The following NEIL3 variants were observed in gnomAD, a reference collection of about 807,000 sequenced individuals.
NEIL3 encodes nei like DNA glycosylase 3, also known as endonuclease 8-like 3.
A neutral mutation model predicts 57.5 loss-of-function variants in NEIL3; 48 were observed. That is an observed-to-expected ratio of 0.83 (90% CI 0.66 to 1.06). The LOEUF is 1.06. Ranked by LOEUF, NEIL3 falls within the 50% of genes least tolerant of loss-of-function variation. NEIL3 has a pLI of 0.00. For synonymous variants in NEIL3, 261 were observed against 253.2 expected (o/e 1.03, Z -0.29); for missense variants, 717 against 739.1 (o/e 0.97, Z 0.35).
chr4:177,340,851 T>A (rs1005100498), intron 5 of NEIL3, among the ~76,000 whole-genome samples: 1 of 152,186 alleles, frequency 6.6e-6, no homozygotes, highest in African/African-American at 2.4e-5. Flanking sequence ...ACTGACCAAA[T>A]ATATCAAAAT....
At chr4:177,333,181 C>G (rs956129495) in intron 2 of NEIL3, among the ~76,000 whole-genome samples, 2 of 151,834 alleles carry the variant, frequency 1.3e-5, no homozygotes, top group African/African-American at 4.8e-5. Flanking sequence ...AGGCAGTTGC[C>G]TTATTTGCAA....
chr4:177,315,017 C>T (rs1047744359), intron 1 of NEIL3, among the ~76,000 whole-genome samples: 4 of 144,908 alleles, frequency 2.8e-5, no homozygotes, highest in African/African-American at 5.2e-5. Flanking sequence ...TGCAGTGAGC[C>T]GAGATCGCGC....
intron 6 of NEIL3, chr4:177,343,557 C>T (rs1303083866): frequency 6.6e-6 from 1 of 152,196 alleles, no homozygotes; most frequent in Non-Finnish European, 1.5e-5. Flanking sequence ...GAGGAAGTCC[C>T]AGCTTAAGTC....
intron 5 of NEIL3, among the ~76,000 whole-genome samples, 194 bp from the exon 6 acceptor site, chr4:177,341,282 T>C (rs1218553319): frequency 6.6e-6 from 1 of 152,202 alleles, no homozygotes; most frequent in African/African-American, 2.4e-5. Flanking sequence ...CACACAAATT[T>C]TATTTGACAA....
At chr4:177,321,336 G>A (rs999856443) in intron 1 of NEIL3, among the ~76,000 whole-genome samples, 22 of 152,120 alleles carry the variant, frequency 1.4e-4, no homozygotes, top group African/African-American at 5.1e-4. Context: ...CTGAGTTAAT[G>A]CGTAGATGTA....
rs1220242216 is a variant in NEIL3, at chr4:177,353,539, T to A, written c.1271T>A (p.Val424Asp). ...TTTCAAAACTCTCCTCCTGCTAGTG[T>A]TTGTTTGAATGATATACAGCACCCC... is the stretch of plus-strand genomic sequence containing the variant. ...EEFQNSPPAS[V>D]CLNDIQHPSK... Residue 424 changes from valine (V) to aspartate (D), a missense_variant, in exon 8 of 10, where the codon GTT becomes GAT. Val to Asp is a radical substitution (Grantham distance 152, BLOSUM62 -3). Transcript: ENST00000264596. 4.3e-6 allele frequency: 7 copies of A among 1,612,622 alleles called. No individual in the cohort carries two copies. The highest frequency in any genetic ancestry group is 5.9e-6 in the Non-Finnish European group (7 of 1,179,350).
intron 9 of NEIL3, among the ~76,000 whole-genome samples, chr4:177,360,906 A>G (rs911119189): frequency 2.2e-4 from 33 of 152,360 alleles, no homozygotes; most frequent in African/African-American, 7.9e-4. Flanking sequence ...TATCATATTT[A>G]TAATCATAAG....
intron 6 of NEIL3, among the ~76,000 whole-genome samples, chr4:177,345,589 G>T (rs1361695979): frequency 6.6e-6 from 1 of 151,534 alleles, no homozygotes; most frequent in African/African-American, 2.4e-5. Flanking sequence ...TCCCATGTTG[G>T]CCAGGATGGT....
intron 6 of NEIL3, among the ~76,000 whole-genome samples, chr4:177,345,198 A>G (rs1343506932): frequency 1.3e-5 from 2 of 152,230 alleles, no homozygotes; most frequent in Non-Finnish European, 2.9e-5. Context: ...TGGGAAGGAC[A>G]AGGAAGTCTT....
At chr4:177,330,592 C>A (rs116013297) in intron 2 of NEIL3, among the ~76,000 whole-genome samples, 4,011 of 151,816 alleles carry the variant, frequency 0.026, 117 homozygotes, top group African/African-American at 0.068. Context: ...TGAATGACAC[C>A]AAAAATTGGT....
At chr4:177,335,962 A>G in intron 3 of NEIL3, 140 bp downstream of exon 3, 8 of 1,043,118 alleles carry the variant, frequency 7.7e-6, no homozygotes, top group Non-Finnish European at 1.1e-5. Context: ...TTCAGATAAT[A>G]TAATTTGTAA....
At chr4:177,348,102 A>G (rs1579002630) in intron 6 of NEIL3, among the ~76,000 whole-genome samples, 1 of 152,206 alleles carries the variant, frequency 6.6e-6, no homozygotes, top group East Asian at 1.9e-4. Flanking sequence ...AAACCCTAAG[A>G]GCAGTGCCTC....
At chr4:177,338,818 T>C (rs1448320091) in intron 4 of NEIL3, among the ~76,000 whole-genome samples, 3 of 152,198 alleles carry the variant, frequency 2.0e-5, no homozygotes, top group Non-Finnish European at 4.4e-5. Context: ...CTGTGCCTAT[T>C]TTCCCTTCCC....
At chr4:177,334,105 G>A (rs191032604) in intron 2 of NEIL3, among the ~76,000 whole-genome samples, 1 of 151,156 alleles carries the variant, frequency 6.6e-6, no homozygotes, top group East Asian at 1.9e-4. Context: ...CCCTAAAAAT[G>A]TCTTTTCTTT....
chr4:177,363,687 G>T (rs757636478), downstream of NEIL3, among the ~76,000 whole-genome samples: 2 of 152,180 alleles, frequency 1.3e-5, no homozygotes, highest in Non-Finnish European at 2.9e-5. Context: ...GTAAGTAAAT[G>T]AAACTATAGG....
At chr4:177,330,577 A>G (rs530707672) in intron 2 of NEIL3, among the ~76,000 whole-genome samples, 37 of 152,296 alleles carry the variant, frequency 2.4e-4, no homozygotes, top group African/African-American at 7.5e-4. Context: ...AAAGCATAAT[A>G]AAAATGAATG....
intron 6 of NEIL3, among the ~76,000 whole-genome samples, chr4:177,349,813 T>C (rs1277327333): frequency 1.3e-5 from 2 of 152,184 alleles, no homozygotes; most frequent in Non-Finnish European, 2.9e-5. Context: ...AAAATTCTCC[T>C]TATGATCAGG....
chr4:177,310,173 G>A, intron 1 of NEIL3, 64 bp downstream of exon 1: 1 of 1,427,136 alleles, frequency 7.0e-7, no homozygotes, highest in Non-Finnish European at 9.2e-7. Context: ...GACCCCATCA[G>A]GGTTCCAGGA....
downstream of NEIL3, among the ~76,000 whole-genome samples, chr4:177,367,760 A>G (rs1412669498): frequency 1.3e-5 from 2 of 152,238 alleles, no homozygotes; most frequent in Non-Finnish European, 2.9e-5. Context: ...GATGGGAGAA[A>G]AAACTGAGAG....
Sources: allele counts gnomAD v4.1 joint callset (sites outside exome capture counted in the v4.1 genomes callset), GRCh38; gene constraint gnomAD v4.1.1; transcripts MANE v1.5; gene names NCBI Gene and HGNC (gene_info 2026-07-23, HGNC 2026-07-21).